PTPRD: variants seen among roughly 807,000 people sequenced by gnomAD.
The protein encoded by PTPRD is protein tyrosine phosphatase receptor type D, also known as receptor-type tyrosine-protein phosphatase delta.
Under a neutral mutation model 214.5 loss-of-function variants are expected in PTPRD, and 34 were observed. The ratio of observed to expected loss-of-function variants is 0.16; its 90% CI spans 0.12 to 0.21. The LOEUF (loss-of-function observed/expected upper bound fraction) is 0.21. Among genes scored for constraint, PTPRD ranks in the 10% least tolerant of loss-of-function variants. The pLI, the probability that PTPRD is intolerant of heterozygous loss-of-function variation, is 1.00. For missense variants in PTPRD, 2,545 were observed against 2,398.7 expected (o/e 1.06, Z -1.27); for synonymous variants, 1,128 against 845.7 (o/e 1.33, Z -5.79).
chr9:8,746,862 T>G (rs1009842608), intron 11 of PTPRD, among the ~76,000 whole-genome samples: 1 of 152,130 alleles, frequency 6.6e-6, no homozygotes, highest in African/African-American at 2.4e-5. Flanking sequence ...CTGTTGGATA[T>G]GGGTCTCACA....
In PTPRD at chr9:9,508,407, T is replaced by C. The variant is rs978045978; in HGVS notation, c.-237+66325A>G. On this transcript the variant is annotated intron_variant, in intron 8 of 45. Transcript: ENST00000381196. ...CGTGAGTAGAAATTACATGGCTATT[T>C]TTTCCATAATGAAAGTAAAGACAAT... Among the ~76,000 whole-genome samples, 10 of 151,702 alleles carry C rather than the reference T, an allele frequency of 6.6e-5. No individual in the cohort carries two copies. In the Middle Eastern group the frequency reaches 0.017, roughly 258 times the overall value.
chr9:9,530,319 T>A (rs72706523), intron 8 of PTPRD, among the ~76,000 whole-genome samples: 6,359 of 152,220 alleles, frequency 0.042, 170 homozygotes, highest in Non-Finnish European at 0.065. Context: ...TACAATGATA[T>A]TGCAGAAATA....
At chr9:8,366,180 C>T (rs536736238) in intron 39 of PTPRD, among the ~76,000 whole-genome samples, 1 of 152,234 alleles carries the variant, frequency 6.6e-6, no homozygotes, top group South Asian at 2.1e-4. Context: ...TCATCCTCTC[C>T]CTTTCAGACA....
intron 10 of PTPRD, among the ~76,000 whole-genome samples, chr9:9,100,548 T>C (rs2099789847): frequency 6.6e-6 from 1 of 152,154 alleles, no homozygotes; most frequent in Non-Finnish European, 1.5e-5. Context: ...AGACAGAACA[T>C]TGTTCAAGCA....
At chr9:10,210,393 T>A (rs571589060) in intron 3 of PTPRD, among the ~76,000 whole-genome samples, 1 of 152,076 alleles carries the variant, frequency 6.6e-6, no homozygotes, top group Admixed American at 6.5e-5. Flanking sequence ...CCAGAAAATA[T>A]GGAAACAATT....
chr9:10,303,060 T>A (rs1047420544), intron 3 of PTPRD, among the ~76,000 whole-genome samples: 8 of 151,796 alleles, frequency 5.3e-5, no homozygotes, highest in African/African-American at 1.9e-4. Flanking sequence ...TAACAAACAG[T>A]CTCTCAGACC....
At chr9:8,378,527 C>T in intron 37 of PTPRD, among the ~76,000 whole-genome samples, 1 of 151,992 alleles carries the variant, frequency 6.6e-6, no homozygotes, top group East Asian at 1.9e-4. Context: ...ACTCTGGAGG[C>T]CTCATATTGT....
At chr9:9,599,462 CT>C (rs1484459334) in intron 7 of PTPRD, among the ~76,000 whole-genome samples, 1 of 152,032 alleles carries the variant, frequency 6.6e-6, no homozygotes, top group Admixed American at 6.6e-5. Context: ...GTTGGGCTTC[CT>C]GGGCTGGGTG....
At chr9:10,574,693 T>G (rs1197353706) in intron 2 of PTPRD, among the ~76,000 whole-genome samples, 1 of 151,838 alleles carries the variant, frequency 6.6e-6, no homozygotes, top group Admixed American at 6.6e-5. Context: ...TAAGAAAGTA[T>G]GCTTCCATTT....
chr9:9,887,380 G>T (rs149466039), intron 5 of PTPRD, among the ~76,000 whole-genome samples: 36 of 152,132 alleles, frequency 2.4e-4, no homozygotes, highest in African/African-American at 7.2e-4. Context: ...TGCAAGTTTT[G>T]TCTCCTGCAG....
At chr9:9,913,538 G>C (rs1401671246) in intron 5 of PTPRD, among the ~76,000 whole-genome samples, 2 of 152,118 alleles carry the variant, frequency 1.3e-5, no homozygotes, top group East Asian at 1.9e-4. Context: ...AAGGGGAGTG[G>C]AGATGCACCA....
At chr9:10,306,942 GATTCATACTA>G (rs1159796234) in intron 3 of PTPRD, among the ~76,000 whole-genome samples, 7 of 152,002 alleles carry the variant, frequency 4.6e-5, no homozygotes, top group Admixed American at 6.6e-5. Context: ...ATTTTGTATT[GATTCATACTA>G]TTTGAAAGTG....
At chr9:8,327,569 G>C (rs1000721127) in intron 44 of PTPRD, among the ~76,000 whole-genome samples, 1 of 152,144 alleles carries the variant, frequency 6.6e-6, no homozygotes, top group Non-Finnish European at 1.5e-5. Flanking sequence ...GTCCAGAGCT[G>C]TGTTCAAGTC....
At position 10,414,047 on chromosome 9, in the gene PTPRD, A is replaced by T. The variant is rs569807738; in HGVS notation, c.-599-73030T>A. Among the ~76,000 whole-genome samples the T allele has an allele frequency of 4.6e-5, 7 of 152,154 alleles. No homozygotes were observed. In the South Asian group the frequency reaches 1.4e-3, roughly 32 times the overall value. ...AAACATTCTGCACATAGAAATGGGCAAAGATTTCATGACTAAGATGCCAAA... is the reference window on the plus strand; with the variant it reads ...AAACATTCTGCACATAGAAATGGGCTAAGATTTCATGACTAAGATGCCAAA... On this transcript the variant is annotated intron_variant, in intron 2 of 45. Coordinates refer to ENST00000381196, the MANE Select transcript of PTPRD (RefSeq NM_002839.4).
chr9:10,044,617 G>A (rs935403057), intron 3 of PTPRD, among the ~76,000 whole-genome samples: 10 of 151,574 alleles, frequency 6.6e-5, no homozygotes, highest in South Asian at 2.1e-4. Flanking sequence ...TTTAATTGTC[G>A]CTAGAACCAT....
intron 3 of PTPRD, among the ~76,000 whole-genome samples, chr9:10,097,600 C>T (rs1321948230): frequency 6.6e-6 from 1 of 151,726 alleles, no homozygotes; most frequent in Non-Finnish European, 1.5e-5. Context: ...TATCCTGAGA[C>T]TTTGCTGAAG....
intron 35 of PTPRD, 95 bp downstream of exon 35, chr9:8,436,497 G>T: frequency 1.1e-6 from 1 of 911,406 alleles, no homozygotes. Context: ...TATTTAAAGG[G>T]AAAAGCACTG....
intron 7 of PTPRD, among the ~76,000 whole-genome samples, chr9:9,586,376 T>A (rs895022356): frequency 4.6e-5 from 7 of 152,010 alleles, no homozygotes; most frequent in Admixed American, 4.6e-4. Flanking sequence ...ATAATTGGCA[T>A]AATGGAAATG....
Position 9,984,732 on chromosome 9 carries a change from G to T in PTPRD, c.-471-46122C>A, listed in dbSNP as rs537805212. On this transcript the variant is annotated intron_variant, in intron 4 of 45. Transcript: ENST00000381196. ...AGGACCACAGTGTCCTGAAGACCTT[G>T]GGACACAAACCTGGGGCAGCAGAGA... 3.0e-4 allele frequency among the ~76,000 whole-genome samples: 46 copies of T among 152,154 alleles called. No individual in the cohort carries two copies. In the East Asian group the frequency reaches 6.8e-3, roughly 22 times the overall value.
Sources: allele counts gnomAD v4.1 joint callset (sites outside exome capture counted in the v4.1 genomes callset), GRCh38; gene constraint gnomAD v4.1.1; transcripts MANE v1.5; gene names NCBI Gene and HGNC (gene_info 2026-07-23, HGNC 2026-07-21).